ANKIB1: variants seen among roughly 807,000 people sequenced by gnomAD.
The protein encoded by ANKIB1 is ankyrin repeat and IBR domain containing 1, also known as ankyrin repeat and IBR domain-containing protein 1.
A neutral mutation model predicts 122.1 loss-of-function variants in ANKIB1; 43 were observed. The observed-to-expected ratio is 0.35, with a 90% CI of 0.28 to 0.45. The LOEUF is 0.45. ANKIB1 is among the 20% of genes least tolerant of loss of function. The pLI is 1.00. For synonymous variants in ANKIB1, 390 were observed against 442.0 expected (o/e 0.88, Z 1.48); for missense variants, 992 against 1,329.5 (o/e 0.75, Z 3.95).
At chr7:92,367,441 A>G (rs1015340217) in intron 10 of ANKIB1, among the ~76,000 whole-genome samples, 2 of 152,236 alleles carry the variant, frequency 1.3e-5, no homozygotes, top group African/African-American at 4.8e-5. Flanking sequence ...TTCAAAAAGG[A>G]AAAGTGTGAT....
At chr7:92,379,285 G>A (rs964311042) in intron 11 of ANKIB1, among the ~76,000 whole-genome samples, 41 of 152,094 alleles carry the variant, frequency 2.7e-4, no homozygotes, top group African/African-American at 9.2e-4. Context: ...CTAGCTACTC[G>A]GGAGGCTGAG....
intron 9 of ANKIB1, among the ~76,000 whole-genome samples, chr7:92,355,872 A>AAT (rs1439838465): frequency 6.7e-6 from 1 of 148,294 alleles, no homozygotes; most frequent in Non-Finnish European, 1.5e-5. Flanking sequence ...TAATAATAAT[A>AAT]ATAATAATAA....
intron 3 of ANKIB1, among the ~76,000 whole-genome samples, chr7:92,309,387 C>T (rs887199899): frequency 2.1e-4 from 32 of 152,158 alleles, no homozygotes; most frequent in Non-Finnish European, 5.9e-5. Flanking sequence ...CCAAGCCTGG[C>T]TCCAATGTTT....
At chr7:92,319,919 G>A (rs1320219563) in intron 4 of ANKIB1, 1 of 155,108 alleles carries the variant, frequency 6.4e-6, no homozygotes, top group African/African-American at 2.4e-5. Flanking sequence ...TGGCGACAAA[G>A]TGAGACCCTG....
At chr7:92,365,989 G>T (rs548242774) in intron 10 of ANKIB1, among the ~76,000 whole-genome samples, 3 of 151,250 alleles carry the variant, frequency 2.0e-5, no homozygotes, top group Non-Finnish European at 4.4e-5. Flanking sequence ...TAGAGACGGG[G>T]TTTCACCATG....
At chr7:92,386,670 ATC>A (rs1390294925) in intron 12 of ANKIB1, 27 bp downstream of exon 12, 14 of 1,571,364 alleles carry the variant, frequency 8.9e-6, no homozygotes, top group Non-Finnish European at 1.0e-5. Flanking sequence ...AAGCCAAGAC[ATC>A]TCTCTAAACC....
intron 4 of ANKIB1, among the ~76,000 whole-genome samples, chr7:92,324,042 A>G (rs1802971121): frequency 6.6e-6 from 1 of 152,200 alleles, no homozygotes; most frequent in South Asian, 2.1e-4. Context: ...CGAGAAAACT[A>G]AAATGCCAAG....
chr7:92,349,413 T>G (rs1803610322), intron 7 of ANKIB1, among the ~76,000 whole-genome samples: 1 of 152,146 alleles, frequency 6.6e-6, no homozygotes, highest in African/African-American at 2.4e-5. Context: ...CCTGCCAAGG[T>G]CTCAGTAAGG....
intron 7 of ANKIB1, 102 bp from the exon 8 acceptor site, chr7:92,350,848 C>T (rs1200148019): frequency 8.5e-7 from 1 of 1,171,732 alleles, no homozygotes; most frequent in Non-Finnish European, 1.2e-6. Context: ...TGGAATGAGA[C>T]CCTGTCTCTA....
chr7:92,281,829 T>G (rs955193228), intron 1 of ANKIB1, among the ~76,000 whole-genome samples: 6 of 152,194 alleles, frequency 3.9e-5, no homozygotes, highest in Admixed American at 6.5e-5. Flanking sequence ...TTCTTTGTAG[T>G]TAGTTTGAGA....
chr7:92,266,859 T>A (rs1415133868), intron 1 of ANKIB1, among the ~76,000 whole-genome samples: 1 of 152,188 alleles, frequency 6.6e-6, no homozygotes, highest in Non-Finnish European at 1.5e-5. Flanking sequence ...TCCTGTGGTG[T>A]CCCTCCCATA....
intron 1 of ANKIB1, among the ~76,000 whole-genome samples, chr7:92,291,638 G>GTGAT (rs936006624): frequency 6.7e-6 from 1 of 148,676 alleles, no homozygotes; most frequent in Non-Finnish European, 1.5e-5. Context: ...GCGCAGTGGC[G>GTGAT]TGATCTCAGC....
chr7:92,294,161 C>T (rs946897181), intron 1 of ANKIB1, among the ~76,000 whole-genome samples: 11 of 152,168 alleles, frequency 7.2e-5, no homozygotes, highest in African/African-American at 2.7e-4. Context: ...AATAAATTAG[C>T]AATCACATTG....
chr7:92,365,943 CT>C (rs1804069572), intron 10 of ANKIB1, among the ~76,000 whole-genome samples: 1 of 151,500 alleles, frequency 6.6e-6, no homozygotes, highest in African/African-American at 2.4e-5. Context: ...CTACAGGCAC[CT>C]GCCACCATGC....
chr7:92,349,616 A>G (rs923088595), intron 7 of ANKIB1, among the ~76,000 whole-genome samples: 1 of 152,198 alleles, frequency 6.6e-6, no homozygotes, highest in African/African-American at 2.4e-5. Context: ...AGTAATCTGT[A>G]CTTCAAAAGT....
intron 10 of ANKIB1, among the ~76,000 whole-genome samples, chr7:92,366,303 G>A (rs899886248): frequency 6.6e-6 from 1 of 152,082 alleles, no homozygotes; most frequent in African/African-American, 2.4e-5. Flanking sequence ...CTGGGAGCTC[G>A]AGGTGAATAC....
intron 2 of ANKIB1, among the ~76,000 whole-genome samples, chr7:92,302,366 G>C (rs1366874718): frequency 6.6e-6 from 1 of 152,076 alleles, no homozygotes; most frequent in Non-Finnish European, 1.5e-5. Flanking sequence ...TAGCTATATG[G>C]TATCTGCAAT....
At chr7:92,313,801 A>G (rs1802738657) in intron 3 of ANKIB1, among the ~76,000 whole-genome samples, 2 of 152,152 alleles carry the variant, frequency 1.3e-5, no homozygotes, top group Admixed American at 6.6e-5. Context: ...GATTCCAGAA[A>G]TGTTTAGCAA....
At chr7:92,361,296 A>G (rs1803940210) in intron 9 of ANKIB1, among the ~76,000 whole-genome samples, 2 of 152,230 alleles carry the variant, frequency 1.3e-5, no homozygotes, top group African/African-American at 4.8e-5. Flanking sequence ...AATTATTTAA[A>G]TCAAAATTTC....
Sources: allele counts gnomAD v4.1 joint callset (sites outside exome capture counted in the v4.1 genomes callset), GRCh38; gene constraint gnomAD v4.1.1; transcripts MANE v1.5; gene names NCBI Gene and HGNC (gene_info 2026-07-23, HGNC 2026-07-21).